The following NFYC variants were observed in gnomAD, a reference collection of about 807,000 sequenced individuals.
NFYC encodes nuclear transcription factor Y subunit gamma, also known as CAAT box DNA-binding protein subunit C.
NFYC carries 25 observed loss-of-function variants against 53.1 expected under a neutral mutation model. The ratio of observed to expected loss-of-function variants is 0.47; its 90% CI spans 0.34 to 0.66. NFYC has a LOEUF of 0.66. Among genes scored for constraint, NFYC ranks in the 30% least tolerant of loss-of-function variants. The pLI, the probability that NFYC is intolerant of heterozygous loss-of-function variation, is 0.01. For missense variants in NFYC, 260 were observed against 422.7 expected, an observed-to-expected ratio of 0.62 and a Z score of 3.38; for synonymous variants, 145 against 152.6, an observed-to-expected ratio of 0.95 and a Z score of 0.37.
chr1:40,763,735 G>A (rs1646681067), intron 7 of NFYC, among the ~76,000 whole-genome samples: 1 of 152,160 alleles, frequency 6.6e-6, no homozygotes, highest in Admixed American at 6.5e-5. Flanking sequence ...TTGCTTCACT[G>A]TGTTTGTTCC....
rs554697411 is a variant in NFYC at position 40,760,776 on chromosome 1, C to G, written c.562-2112C>G. 4.6e-5 allele frequency among the ~76,000 whole-genome samples: 7 copies of G among 152,144 alleles called. No homozygotes were observed. In the South Asian group the frequency reaches 1.5e-3, roughly 32 times the overall value. ...TTATTCTCTGCTCATTTTACTTATC[C>G]ATATAACAAAAATGTATTGAGTGCT... On this transcript the variant is annotated intron_variant, in intron 6 of 9. Coordinates refer to ENST00000447388, the MANE Select transcript of NFYC (RefSeq NM_014223.5).
At chr1:40,769,284 T>G in intron 8 of NFYC, 72 bp from the exon 9 acceptor site, 6 of 1,476,774 alleles carry the variant, frequency 4.1e-6, no homozygotes, top group Non-Finnish European at 5.7e-6. Flanking sequence ...TTTATGACCC[T>G]CTTTTGGGTG....
rs763442178 is a variant in NFYC at position 40,769,400 on chromosome 1, G to C, written c.873G>C (p.Gln291His). 2 of 1,613,994 alleles carry C rather than the reference G, an allele frequency of 1.2e-6. No individual in the cohort carries two copies. The highest frequency in any genetic ancestry group is 2.7e-5 in the African/African-American group (2 of 74,916). Residue 291 changes from glutamine to histidine, a missense_variant, in exon 9 of 10, where the codon CAG (glutamine) becomes CAC (histidine). Physicochemically the swap from Gln to His is conservative, Grantham distance 24 (BLOSUM62 0). Transcript: ENST00000447388. ...AGCAAGGACAGCAGCAGTTCAGCCA[G>C]TTCACAGATGGACAGGTAGGGTACC... ...EVQQGQQQFS[Q>H]FTDGQQLYQI...
chr1:40,760,539 T>C (rs1330006390), intron 6 of NFYC, among the ~76,000 whole-genome samples: 2 of 151,972 alleles, frequency 1.3e-5, no homozygotes, highest in East Asian at 3.9e-4. Context: ...GCCAATATGG[T>C]GAAACCCCAT....
intron 1 of NFYC, among the ~76,000 whole-genome samples, chr1:40,720,016 A>G (rs963692915): frequency 1.3e-5 from 2 of 152,224 alleles, no homozygotes; most frequent in Non-Finnish European, 2.9e-5. Context: ...TAGCATAACT[A>G]TCTCAGTCAC....
rs1415688196 is a variant in NFYC, at chr1:40,767,116, C to T, written c.828+413C>T. The stretch of plus-strand genomic sequence containing the variant: ...GCTTACTTAGATTTTACCCCTACCT[C>T]CTCTTGCATCCCTAACCAGAAAAAT... On this transcript the variant is annotated intron_variant, in intron 8 of 9. Transcript: ENST00000447388. The T allele has an allele frequency of 1.7e-5, 13 of 758,432 alleles. No homozygotes were observed. In the Admixed American group the frequency reaches 2.8e-4, roughly 16 times the overall value. The allele number at this position is 758,432 out of a possible 1,614,324, so 47.0% of individuals were successfully genotyped here.
At chr1:40,701,227 T>G (rs974438291) in intron 1 of NFYC, among the ~76,000 whole-genome samples, 1 of 152,152 alleles carries the variant, frequency 6.6e-6, no homozygotes, top group African/African-American at 2.4e-5. Flanking sequence ...GGGATTCTCC[T>G]GCCTCAGCCT....
intron 1 of NFYC, among the ~76,000 whole-genome samples, chr1:40,703,252 G>C (rs554458831): frequency 8.3e-4 from 127 of 152,158 alleles, no homozygotes; most frequent in Non-Finnish European, 1.5e-3. Flanking sequence ...CATCTTGGGA[G>C]GTTGAGGTGG....
In NFYC at chr1:40,706,105, T is replaced by C. The variant is rs145952453; in HGVS notation, c.-9+14238T>C. Among the ~76,000 whole-genome samples the C allele has an allele frequency of 2.0e-3, 297 of 152,198 alleles. 1 individual carries two copies. Among genetic ancestry groups the C allele is most frequent in the African/African-American group, 6.8e-3 (284 of 41,520 alleles). On this transcript the variant is annotated intron_variant, in intron 1 of 9. Transcript: ENST00000447388. ...TAATGGTTTATGCTATCTACACATATATATGGCACCTAAGAATTTCCATGG... is the reference window on the plus strand; with the variant it reads ...TAATGGTTTATGCTATCTACACATACATATGGCACCTAAGAATTTCCATGG...
intron 7 of NFYC, chr1:40,766,352 T>C (rs1646810617): frequency 4.4e-6 from 2 of 458,430 alleles, no homozygotes; most frequent in Admixed American, 3.9e-5. Context: ...GACAGGATCT[T>C]CTGGGAGTTT....
chr1:40,743,330 T>C (rs1645447591), intron 2 of NFYC, among the ~76,000 whole-genome samples: 1 of 152,256 alleles, frequency 6.6e-6, no homozygotes, highest in Non-Finnish European at 1.5e-5. Flanking sequence ...ACCAGAGTGA[T>C]TGTGTAAAAC....
intron 1 of NFYC, among the ~76,000 whole-genome samples, chr1:40,720,389 G>A (rs186376658): frequency 1.3e-5 from 2 of 152,228 alleles, no homozygotes; most frequent in Non-Finnish European, 2.9e-5. Context: ...CAGTGGAGCC[G>A]ATGATTAGAT....
intron 1 of NFYC, among the ~76,000 whole-genome samples, chr1:40,724,106 A>G (rs796696268): frequency 7.9e-5 from 12 of 152,318 alleles, no homozygotes; most frequent in African/African-American, 2.9e-4. Flanking sequence ...ATGGTGGCTC[A>G]CGCCTGTAAT....
chr1:40,720,868 T>A (rs143506821), intron 1 of NFYC, among the ~76,000 whole-genome samples: 75 of 152,244 alleles, frequency 4.9e-4, no homozygotes, highest in African/African-American at 1.5e-3. Context: ...GACACTGTTA[T>A]TTAAAAAAAA....
At chr1:40,707,485 A>T (rs1350813138) in intron 1 of NFYC, among the ~76,000 whole-genome samples, 1 of 108,524 alleles carries the variant, frequency 9.2e-6, no homozygotes, top group African/African-American at 3.3e-5. Flanking sequence ...ATCTCCAAAA[A>T]AAAAAAAAAG....
chr1:40,735,165 G>C (rs112589695), intron 1 of NFYC: 7 of 34,468 alleles, frequency 2.0e-4, no homozygotes, highest in African/African-American at 4.5e-4. Flanking sequence ...GGGTGGGCCT[G>C]AGTGTCTCCT....
chr1:40,761,007 T>A (rs1646515884), intron 6 of NFYC, among the ~76,000 whole-genome samples: 1 of 152,222 alleles, frequency 6.6e-6, no homozygotes, highest in African/African-American at 2.4e-5. Flanking sequence ...GGGCAGGCTC[T>A]GATTGGCTGA....
intron 2 of NFYC, among the ~76,000 whole-genome samples, chr1:40,744,966 C>T (rs1431553584): frequency 6.6e-6 from 1 of 152,066 alleles, no homozygotes. Flanking sequence ...CCATACACAC[C>T]CCTCAAGATC....
chr1:40,693,596 A>G (rs1386691184), intron 1 of NFYC, among the ~76,000 whole-genome samples: 2 of 152,194 alleles, frequency 1.3e-5, no homozygotes, highest in Admixed American at 6.5e-5. Context: ...TTTAACTCCA[A>G]TAGGTAGGCA....
Sources: allele counts gnomAD v4.1 joint callset (sites outside exome capture counted in the v4.1 genomes callset), GRCh38; gene constraint gnomAD v4.1.1; transcripts MANE v1.5; gene names NCBI Gene and HGNC (gene_info 2026-07-23, HGNC 2026-07-21).